Variants in PCBP2 observed in about 807,000 individuals in gnomAD.
PCBP2 encodes poly(rC) binding protein 2, also known as poly(rC)-binding protein 2.
Under a neutral mutation model 50.1 loss-of-function variants are expected in PCBP2, and 4 were observed. The observed-to-expected ratio is 0.08, with a 90% CI of 0.04 to 0.18. PCBP2 has a LOEUF of 0.18. Ranked by LOEUF, PCBP2 falls within the 10% of genes least tolerant of loss-of-function variation. The pLI is 1.00. For synonymous variants in PCBP2, 179 were observed against 168.0 expected (o/e 1.07, Z -0.51); for missense variants, 161 against 474.3 (o/e 0.34, Z 6.14).
rs888488589 is a variant in PCBP2, at chr12:53,479,894, G to A, written c.*452G>A. ...TTTTTGTACCTTTTATCCCTCAAAGGACCCTTCTTGGGTTTTGAATGGAAG... is the reference window on the plus strand; with the variant it reads ...TTTTTGTACCTTTTATCCCTCAAAGAACCCTTCTTGGGTTTTGAATGGAAG... On this transcript the variant is annotated 3_prime_UTR_variant, in exon 15 of 15. Coordinates refer to ENST00000546463, the MANE Select transcript of PCBP2 (RefSeq NM_031989.5). 1.3e-5 allele frequency: 2 copies of A among 152,744 alleles called. No individual in the cohort carries two copies. The highest frequency in any genetic ancestry group is 2.1e-4 in the South Asian group (1 of 4,872). 9.5% of individuals were successfully genotyped at this position (152,744 alleles called of 1,614,324 possible).
At chr12:53,461,302 C>G (rs1000180832) in intron 7 of PCBP2, among the ~76,000 whole-genome samples, 159 bp downstream of exon 7, 1 of 152,142 alleles carries the variant, frequency 6.6e-6, no homozygotes, top group East Asian at 1.9e-4. Context: ...CTTCCCCTAG[C>G]TTTGACTTTT....
At chr12:53,476,543 T>C (rs1942596632) in intron 14 of PCBP2, among the ~76,000 whole-genome samples, 1 of 151,952 alleles carries the variant, frequency 6.6e-6, no homozygotes, top group Non-Finnish European at 1.5e-5. Flanking sequence ...TCAACGAGAG[T>C]ACACGTTGCC....
In PCBP2 at chr12:53,464,862, G is replaced by C; in HGVS notation, c.672+10G>C. On this transcript the variant is annotated intron_variant, in intron 9 of 14. Transcript: ENST00000546463. ...GGGACCACCTCTAGAGGTGAGAGGG[G>C]ATGTTCAGTCTCCAAGGCTCACTCA... 1.3e-6 allele frequency: 2 copies of C among 1,595,378 alleles called. No homozygotes were observed. Among genetic ancestry groups the C allele is most frequent in the Non-Finnish European group, 8.5e-7 (1 of 1,173,892 alleles).
At position 53,452,319 on chromosome 12, in the gene PCBP2, C is replaced by G. The variant is rs1401819682; in HGVS notation, c.-133C>G. The G allele has an allele frequency of 7.1e-6, 1 of 141,238 alleles. No homozygotes were observed. The highest frequency in any genetic ancestry group is 1.6e-5 in the Non-Finnish European group (1 of 64,512). 8.7% of individuals were successfully genotyped at this position (141,238 alleles called of 1,614,324 possible). On this transcript the variant is annotated 5_prime_UTR_variant, in exon 1 of 15. Coordinates refer to ENST00000546463, the MANE Select transcript of PCBP2 (RefSeq NM_031989.5). ...GCCCCTATTGTTCCGCCCCCGGCCT[C>G]CCGCCCTTCCCCTTCCCGCCCGCTC...
intron 6 of PCBP2, chr12:53,460,135 A>C (rs1941348073): frequency 8.4e-6 from 2 of 237,158 alleles, no homozygotes; most frequent in Non-Finnish European, 1.8e-5. Flanking sequence ...AAATAGATGT[A>C]ATTCTACATC....
chr12:53,463,352 A>C (rs1339769724), intron 8 of PCBP2, among the ~76,000 whole-genome samples: 3 of 152,168 alleles, frequency 2.0e-5, no homozygotes, highest in African/African-American at 7.2e-5. Flanking sequence ...AGGAGTAGGT[A>C]GATCAGGTTT....
intron 8 of PCBP2, among the ~76,000 whole-genome samples, chr12:53,464,275 A>C (rs895499605): frequency 1.5e-4 from 22 of 147,640 alleles, no homozygotes; most frequent in African/African-American, 2.5e-4. Flanking sequence ...ACTCCCCATC[A>C]CACCTCCCCC....
Position 53,468,790 on chromosome 12 carries a change from A to G in PCBP2, c.840A>G (p.Ala280=). The change falls in exon 13 of 15, where the codon GCA becomes GCG. Residue 280 remains alanine (A), a synonymous_variant. Transcript: ENST00000546463. ...TCTGTCTTTTAGCAGGTTTGGATGC[A>G]TCTGCTCAGACTACTTCTCATGAAC... The part of the protein sequence containing the change: ...EVKGYWAGLD[A]SAQTTSHELT... 1 of 1,613,716 alleles carries G rather than the reference A, an allele frequency of 6.2e-7. No homozygotes were observed. Among genetic ancestry groups the G allele is most frequent in the Non-Finnish European group, 8.5e-7 (1 of 1,179,604 alleles).
intron 8 of PCBP2, among the ~76,000 whole-genome samples, chr12:53,463,481 T>A (rs2137057768): frequency 6.6e-6 from 1 of 152,344 alleles, no homozygotes; most frequent in East Asian, 1.9e-4. Context: ...GTTTTGTCAT[T>A]AAACAATAGA....
At chr12:53,460,818 A>G in intron 6 of PCBP2, 197 bp from the exon 7 acceptor site, 1 of 499,026 alleles carries the variant, frequency 2.0e-6, no homozygotes, top group Non-Finnish European at 3.5e-6. Context: ...CTTGTCTTTC[A>G]GTGGCTAATT....
At chr12:53,462,781 AACTT>A (rs1941539946) in intron 8 of PCBP2, among the ~76,000 whole-genome samples, 2 of 152,172 alleles carry the variant, frequency 1.3e-5, no homozygotes, top group Non-Finnish European at 2.9e-5. Context: ...CGGAAGAGGT[AACTT>A]ACTTGTGGGT....
chr12:53,470,105 C>G (rs1359616572), intron 13 of PCBP2, among the ~76,000 whole-genome samples: 1 of 151,884 alleles, frequency 6.6e-6, no homozygotes, highest in Non-Finnish European at 1.5e-5. Context: ...TGGTTTTCAG[C>G]CAGGTGCAGT....
intron 1 of PCBP2, 90 bp from the exon 2 acceptor site, chr12:53,454,636 A>G: frequency 1.6e-6 from 1 of 631,288 alleles, no homozygotes. Flanking sequence ...GAAAAGTGTA[A>G]AGTAGAAAAT....
chr12:53,467,248 C>A lies in PCBP2; in HGVS notation c.742C>A (p.Gln248Lys). 1 of 1,614,026 alleles carries A rather than the reference C, an allele frequency of 6.2e-7. No homozygotes were observed. The highest frequency in any genetic ancestry group is 8.5e-7 in the Non-Finnish European group (1 of 1,179,888). The change falls in exon 11 of 15, where the codon CAA becomes AAA. Residue 248 changes from glutamine (Q) to lysine (K), a missense_variant. By Grantham distance (53) the Gln-to-Lys change is moderately conservative. Transcript: ENST00000546463. Reference protein sequence around the residue: ...DLTKLHQLAMQQSHFPMTHGN... With the variant: ...DLTKLHQLAMKQSHFPMTHGN... ...GACCAAGCTGCACCAGTTGGCAATGCAACAGTCTCATTTTCCCATGACGCA... is the reference window on the plus strand; with the variant it reads ...GACCAAGCTGCACCAGTTGGCAATGAAACAGTCTCATTTTCCCATGACGCA...
chr12:53,469,048 A>G (rs1295990154), intron 13 of PCBP2, among the ~76,000 whole-genome samples: 2 of 151,350 alleles, frequency 1.3e-5, no homozygotes, highest in Non-Finnish European at 1.5e-5. Flanking sequence ...GATTACAGGC[A>G]TGTGCCACCA....
intron 11 of PCBP2, 56 bp downstream of exon 11, chr12:53,467,349 C>T (rs751684613): frequency 1.4e-5 from 19 of 1,353,930 alleles, no homozygotes; most frequent in Non-Finnish European, 1.9e-5. Flanking sequence ...AGAGGCCAGT[C>T]CCAAGGTCTC....
chr12:53,467,950 C>T, intron 12 of PCBP2, 107 bp downstream of exon 12: 1 of 905,682 alleles, frequency 1.1e-6, no homozygotes, highest in South Asian at 1.4e-5. Flanking sequence ...ATGCACATGG[C>T]AGAGAGGAGC....
chr12:53,456,039 G>A (rs1940983634), intron 5 of PCBP2, 38 bp downstream of exon 5: 1 of 1,235,574 alleles, frequency 8.1e-7, no homozygotes, highest in East Asian at 2.3e-5. Flanking sequence ...TCATTTTTAA[G>A]TGCTTCCAGA....
chr12:53,460,315 C>G, intron 6 of PCBP2: 1 of 321,108 alleles, frequency 3.1e-6, no homozygotes, highest in South Asian at 2.3e-5. Flanking sequence ...AATTTTTCTT[C>G]TTTCTGTTGT....
Sources: gnomAD v4.1 joint callset for allele counts (sites outside exome capture counted in the v4.1 genomes callset) on GRCh38, gnomAD v4.1.1 for gene constraint, MANE v1.5 for transcripts, NCBI Gene and HGNC (gene_info 2026-07-23, HGNC 2026-07-21) for gene names.